ZNF418: variants seen among roughly 807,000 people sequenced by gnomAD.
ZNF418 encodes the protein zinc finger protein 418.
Under a neutral mutation model 32.0 loss-of-function variants are expected in ZNF418, and 32 were observed. That is an observed-to-expected ratio of 1.00 (90% CI 0.75 to 1.34). The LOEUF (loss-of-function observed/expected upper bound fraction) is 1.34. Ranked by LOEUF, ZNF418 falls within the 40% of genes most tolerant of loss-of-function variation. The pLI is 0.00. For synonymous variants in ZNF418, 276 were observed against 270.7 expected (o/e 1.02, Z -0.19); for missense variants, 804 against 812.5 (o/e 0.99, Z 0.13).
chr19:57,934,826 T>C, intron 1 of ZNF418: 1 of 322,366 alleles, frequency 3.1e-6, no homozygotes, highest in Non-Finnish European at 5.5e-6. Flanking sequence ...TTCGAAACTC[T>C]CCATGGCTTC....
At chr19:57,933,974 C>G (rs1281058671) in intron 1 of ZNF418, 72 bp from the exon 2 acceptor site, 1 of 1,584,468 alleles carries the variant, frequency 6.3e-7, no homozygotes, top group Non-Finnish European at 8.5e-7. Flanking sequence ...ATTTTTACCT[C>G]TAAGCATTTC....
intron 2 of ZNF418, among the ~76,000 whole-genome samples, chr19:57,932,063 G>A (rs2072510017): frequency 6.6e-6 from 1 of 152,196 alleles, no homozygotes; most frequent in South Asian, 2.1e-4. Flanking sequence ...GACAACAAAT[G>A]GAAACCAGGG....
intron 3 of ZNF418, among the ~76,000 whole-genome samples, chr19:57,928,973 G>A (rs189573506): frequency 5.3e-5 from 8 of 150,308 alleles, no homozygotes; most frequent in East Asian, 2.0e-4. Context: ...CAGCCTGGGC[G>A]ACAAAGAGAG....
At position 57,926,251 on chromosome 19, in the gene ZNF418, C is replaced by T. The variant is rs1341549081; in HGVS notation, c.1930G>A (p.Glu644Lys). ...CATTCACTGCACTCATAAGGCCTTT[C>T]TCCAGTGTGTACTCTCCTGTGTTCA... ...LTEHRRVHTG[E>K]RPYECSECGK... is the part of the protein sequence containing the mutation. The change falls in exon 4 of 6, where the codon GAA becomes AAA. Residue 644 changes from glutamate to lysine, a missense_variant. Transcript: ENST00000396147. 1 of 1,613,920 alleles carries T rather than the reference C, an allele frequency of 6.2e-7. No homozygotes were observed. Among genetic ancestry groups the T allele is most frequent in the Admixed American group, 1.7e-5 (1 of 59,976 alleles).
chr19:57,927,284 G>C lies in ZNF418; in HGVS notation c.897C>G (p.Gly299=). Reference sequence around the variant, plus strand: ...GAACTCGCTGATGCTGAACAAGGCTGCCCTTATGACTAAAAGATTTCCCAC... The same window carrying C: ...GAACTCGCTGATGCTGAACAAGGCTCCCCTTATGACTAAAAGATTTCCCAC... The part of the protein sequence containing the change: ...GECGKSFSHK[G]SLVQHQRVHT... The change falls in exon 4 of 6, where the codon GGC becomes GGG. Residue 299 remains glycine, a synonymous_variant. Transcript: ENST00000396147. The C allele has an allele frequency of 6.2e-7, 1 of 1,613,464 alleles. No individual in the cohort carries two copies. Among genetic ancestry groups the C allele is most frequent in the Non-Finnish European group, 8.5e-7 (1 of 1,179,870 alleles).
Position 57,926,770 on chromosome 19 carries a change from CA to C in ZNF418, c.1410del (p.Ile470MetfsTer217). ...RKLFRGKSHL[I>X]EHQRVHTGER... ...TCTCCAGTGTGAACTCTCTGGTGTT[CA>C]ATGAGGTGGGACTTGCCCCTAAATA... is the stretch of plus-strand genomic sequence containing the variant. On this transcript the variant is annotated frameshift_variant, in exon 4 of 6. Coordinates refer to ENST00000396147, the MANE Select transcript of ZNF418 (RefSeq NM_133460.3). LOFTEE classifies it low-confidence loss of function (END_TRUNC). The C allele has an allele frequency of 6.2e-7, 1 of 1,613,678 alleles. No individual in the cohort carries two copies. Among genetic ancestry groups the C allele is most frequent in the Non-Finnish European group, 8.5e-7 (1 of 1,179,884 alleles).
chr19:57,927,057 C>G lies in ZNF418; in HGVS notation c.1124G>C (p.Cys375Ser). Reference protein sequence around the residue: ...TSERPYECEECGKCFSQKGTL... With the variant: ...TSERPYECEESGKCFSQKGTL... ...GCCCTTTTGACTAAAACATTTTCCA[C>G]ATTCTTCACACTCATAAGGTCTTTC... The change falls in exon 4 of 6, where the codon TGT (cysteine) becomes TCT (serine). Residue 375 changes from cysteine to serine, a missense_variant. Cys to Ser is a moderately radical substitution (Grantham distance 112, BLOSUM62 -1). This residue lies in a region of ZNF418 where 475 missense variants were observed against 458.6 expected (regional missense o/e 1.04). Transcript: ENST00000396147. The G allele has an allele frequency of 6.2e-7, 1 of 1,614,106 alleles. No homozygotes were observed. The highest frequency in any genetic ancestry group is 8.5e-7 in the Non-Finnish European group (1 of 1,180,018).
chr19:57,926,097 T>C lies in ZNF418; in HGVS notation c.*53A>G. 1 of 1,469,772 alleles carries C rather than the reference T, an allele frequency of 6.8e-7. No individual in the cohort carries two copies. The highest frequency in any genetic ancestry group is 9.3e-7 in the Non-Finnish European group (1 of 1,075,014). The allele number at this position is 1,469,772 out of a possible 1,614,324, so 91.0% of individuals were successfully genotyped here. A position where few individuals can be genotyped will look rare whatever the true frequency, so the allele number is the denominator to read the frequency against. ...TAAGGTCCTGATCCAGTAAGAACCC[T>C]CTGATCAAGAAGATGCACAGAGGTT... On this transcript the variant is annotated 3_prime_UTR_variant, in exon 4 of 6. Transcript: ENST00000396147.
chr19:57,930,502 C>T lies in ZNF418; in HGVS notation c.59G>A (p.Ser20Asn). The T allele has an allele frequency of 6.2e-7, 1 of 1,614,128 alleles. No homozygotes were observed. Among genetic ancestry groups the T allele is most frequent in the Middle Eastern group, 1.6e-4 (1 of 6,062 alleles). ...GCATCTCTGAACCTCACTAAGGAGA[C>T]TCCACTCCTCCTGGGAAAAGTTCAC... ...VAVNFSQEEW[S>N]LLSEVQRCLY... The change falls in exon 3 of 6, where the codon AGT becomes AAT. Residue 20 changes from serine to asparagine, a missense_variant. By Grantham distance (46) the Ser-to-Asn change is conservative (BLOSUM62 1). Around this residue, in one of 3 missense-constraint regions of ZNF418, gnomAD observed 307 missense variants for 304.9 expected, o/e 1.01. Transcript: ENST00000396147.
chr19:57,927,645 G>C lies in ZNF418; in HGVS notation c.536C>G (p.Ala179Gly). The C allele has an allele frequency of 6.2e-7, 1 of 1,613,996 alleles. No individual in the cohort carries two copies. Among genetic ancestry groups the C allele is most frequent in the Non-Finnish European group, 8.5e-7 (1 of 1,179,898 alleles). The stretch of plus-strand genomic sequence containing the variant: ...GTTTGACTTCTCCCCAGTGTGAGTG[G>C]CCTCCTGCAGCAGTAATCCTGAGCT... ...LPSSGLLLQEATHTGEKSNSK... is the reference protein window; with the variant it reads ...LPSSGLLLQEGTHTGEKSNSK... Residue 179 changes from alanine to glycine, a missense_variant, in exon 4 of 6, where the codon GCC becomes GGC. By Grantham distance (60) the Ala-to-Gly change is moderately conservative (BLOSUM62 0). Around this residue, in one of 3 missense-constraint regions of ZNF418, gnomAD observed 307 missense variants for 304.9 expected, o/e 1.01. Coordinates refer to ENST00000396147, the MANE Select transcript of ZNF418 (RefSeq NM_133460.3).
chr19:57,930,701 C>G, intron 2 of ZNF418, 147 bp from the exon 3 acceptor site: 1 of 1,181,682 alleles, frequency 8.5e-7, no homozygotes, highest in Non-Finnish European at 1.2e-6. Context: ...GCCTTTGTCT[C>G]TTCGTGGGCC....
rs755311563 is a variant in ZNF418, at chr19:57,933,858, C to G, written c.-36G>C. 3.1e-6 allele frequency: 5 copies of G among 1,614,140 alleles called. No individual in the cohort carries two copies. Among genetic ancestry groups the G allele is most frequent in the Non-Finnish European group, 4.2e-6 (5 of 1,180,032 alleles). ...GTTTAAACTCTGATCCTCCTTCCTC[C>G]TCCCTCAAACACAGTGTGTTCTCTT... On this transcript the variant is annotated 5_prime_UTR_variant, in exon 2 of 6. Coordinates refer to ENST00000396147, the MANE Select transcript of ZNF418 (RefSeq NM_133460.3).
chr19:57,933,715 C>T (rs1568554253), intron 2 of ZNF418, 102 bp downstream of exon 2: 1 of 1,458,296 alleles, frequency 6.9e-7, no homozygotes, highest in East Asian at 2.3e-5. Context: ...AGCGAGACTC[C>T]CGCTCAAAAA....
At position 57,923,209 on chromosome 19, in the gene ZNF418, GAGA is replaced by G. The variant is rs2072063115; in HGVS notation, c.*605_*607del. ...CCACCTACCCGGGAGGCTGAGGCAG[GAGA>G]ATCGCTTGAACCCTGGAGGTGGAGG... On this transcript the variant is annotated 3_prime_UTR_variant, in exon 5 of 6. Transcript: ENST00000396147. The G allele has an allele frequency of 6.6e-6, 1 of 151,788 alleles. No homozygotes were observed. Among genetic ancestry groups the G allele is most frequent in the Non-Finnish European group, 1.5e-5 (1 of 68,004 alleles). 9.4% of individuals were successfully genotyped at this position (151,788 alleles called of 1,614,324 possible). A position where few individuals can be genotyped will look rare whatever the true frequency, so the allele number is the denominator to read the frequency against.
intron 1 of ZNF418, 124 bp from the exon 2 acceptor site, chr19:57,934,026 T>C: frequency 6.8e-7 from 1 of 1,478,382 alleles, no homozygotes; most frequent in Non-Finnish European, 8.9e-7. Flanking sequence ...CAAAGTATGT[T>C]TACATGGGTT....
chr19:57,926,951 C>T lies in ZNF418; in HGVS notation c.1230G>A (p.Lys410=), dbSNP rs1568543712. The T allele has an allele frequency of 1.2e-6, 2 of 1,613,816 alleles. No homozygotes were observed. Among genetic ancestry groups the T allele is most frequent in the Non-Finnish European group, 1.7e-6 (2 of 1,179,984 alleles). ...CTCGCTGATGGTTCCTAAGGTGTCC[C>T]TTTCGACTAAAAGATTTCCCACATT... The part of the protein sequence containing the change: ...CGECGKSFSR[K]GHLRNHQRGH... Residue 410 remains lysine, a synonymous_variant, in exon 4 of 6, where the codon AAG becomes AAA. Coordinates refer to ENST00000396147, the MANE Select transcript of ZNF418 (RefSeq NM_133460.3).
Position 57,922,281 on chromosome 19 carries a change from T to C in ZNF418, c.*974A>G, listed in dbSNP as rs75991626. On this transcript the variant is annotated 3_prime_UTR_variant, in exon 6 of 6. Transcript: ENST00000396147. ...CCCTGTACATGACGAGATGGGCTTT[T>C]ATTAACCTCTTTGTTAGTTTCATCA... The C allele has an allele frequency of 0.01, 2,927 of 280,486 alleles. 84 individuals carry two copies. The highest frequency in any genetic ancestry group is 0.057 in the African/African-American group (2,619 of 45,998). 17.4% of individuals were successfully genotyped at this position (280,486 alleles called of 1,614,324 possible).
At chr19:57,935,051 T>C in intron 1 of ZNF418, 110 bp downstream of exon 1, 1 of 1,357,990 alleles carries the variant, frequency 7.4e-7, no homozygotes, top group Non-Finnish European at 9.6e-7. Context: ...AACGCCTCAG[T>C]GTCCCGACGC....
At position 57,926,238 on chromosome 19, in the gene ZNF418, T is replaced by G; in HGVS notation, c.1943A>C (p.Glu648Ala). Residue 648 changes from glutamate (E) to alanine (A), a missense_variant, in exon 4 of 6, where the codon GAG becomes GCG. This residue lies in a region of ZNF418 where 475 missense variants were observed against 458.6 expected (regional missense o/e 1.04). Coordinates refer to ENST00000396147, the MANE Select transcript of ZNF418 (RefSeq NM_133460.3). Reference sequence around the variant, plus strand: ...AAATGATTTTCCACATTCACTGCACTCATAAGGCCTTTCTCCAGTGTGTAC... The same window carrying G: ...AAATGATTTTCCACATTCACTGCACGCATAAGGCCTTTCTCCAGTGTGTAC... ...RRVHTGERPY[E>A]CSECGKSFHR... 6.2e-7 allele frequency: 1 copy of G among 1,613,920 alleles called. No individual in the cohort carries two copies. Among genetic ancestry groups the G allele is most frequent in the Non-Finnish European group, 8.5e-7 (1 of 1,179,884 alleles).
Sources: allele counts gnomAD v4.1 joint callset (sites outside exome capture counted in the v4.1 genomes callset), GRCh38; gene constraint gnomAD v4.1.1; regional missense constraint gnomAD v4.1.1; transcripts MANE v1.5; gene names NCBI Gene and HGNC (gene_info 2026-07-23, HGNC 2026-07-21).